Variants in DSCAM observed in about 807,000 individuals in gnomAD.
DSCAM encodes cell adhesion molecule DSCAM.
In DSCAM, 47 loss-of-function variants were observed where a neutral mutation model predicts 217.7. The observed-to-expected ratio is 0.22, with a 90% CI of 0.17 to 0.28. The LOEUF (loss-of-function observed/expected upper bound fraction) is 0.28, where lower values mean the gene tolerates loss of function less well. DSCAM is among the 10% of genes least tolerant of loss of function. The pLI, the probability that DSCAM is intolerant of heterozygous loss-of-function variation, is 1.00. For synonymous variants in DSCAM, 1,056 were observed against 1,015.3 expected, an observed-to-expected ratio of 1.04 and a Z score of -0.76; for missense variants, 2,080 against 2,618.3, an observed-to-expected ratio of 0.79 and a Z score of 4.49.
chr21:40,842,996 A>G (rs149462258), intron 1 of DSCAM, among the ~76,000 whole-genome samples: 2 of 152,298 alleles, frequency 1.3e-5, no homozygotes, highest in Non-Finnish European at 2.9e-5. Flanking sequence ...TAGCTTTTTA[A>G]TCTGTTTAAT....
chr21:40,514,315 T>C (rs1380001048), intron 3 of DSCAM, among the ~76,000 whole-genome samples: 1 of 152,156 alleles, frequency 6.6e-6, no homozygotes, highest in Non-Finnish European at 1.5e-5. Context: ...ATCCAATGCT[T>C]CATCATCCCA....
intron 3 of DSCAM, among the ~76,000 whole-genome samples, chr21:40,520,286 C>T (rs369709224): frequency 2.8e-4 from 43 of 152,128 alleles, no homozygotes; most frequent in African/African-American, 9.9e-4. Context: ...ACTTTAAATA[C>T]CATCTTTCTT....
At chr21:40,685,064 C>A (rs73905061) in intron 3 of DSCAM, among the ~76,000 whole-genome samples, 1 of 152,118 alleles carries the variant, frequency 6.6e-6, no homozygotes, top group East Asian at 1.9e-4. Flanking sequence ...TGGGATGAGA[C>A]CTTTCTTAAG....
intron 3 of DSCAM, among the ~76,000 whole-genome samples, chr21:40,537,982 C>G (rs903562535): frequency 6.6e-6 from 1 of 152,172 alleles, no homozygotes; most frequent in African/African-American, 2.4e-5. Flanking sequence ...GAATTCATCT[C>G]TGGATCTCAG....
At chr21:40,407,772 C>A (rs2075291055) in intron 3 of DSCAM, among the ~76,000 whole-genome samples, 1 of 152,210 alleles carries the variant, frequency 6.6e-6, no homozygotes, top group South Asian at 2.1e-4. Context: ...GCATGTGAAG[C>A]AGGGACAAGC....
At chr21:40,429,628 T>C (rs574881434) in intron 3 of DSCAM, among the ~76,000 whole-genome samples, 17 of 152,358 alleles carry the variant, frequency 1.1e-4, no homozygotes, top group African/African-American at 4.1e-4. Flanking sequence ...AGCTCAGGGC[T>C]GCCACTTGTA....
At chr21:40,837,912 T>C (rs2092069756) in intron 1 of DSCAM, among the ~76,000 whole-genome samples, 1 of 152,214 alleles carries the variant, frequency 6.6e-6, no homozygotes, top group Admixed American at 6.5e-5. Context: ...AAAAATGCTC[T>C]ACAGCCGAGA....
chr21:40,294,686 G>A (rs2073933987), intron 10 of DSCAM, among the ~76,000 whole-genome samples: 1 of 152,210 alleles, frequency 6.6e-6, no homozygotes, highest in Non-Finnish European at 1.5e-5. Flanking sequence ...GAAGGCAAAT[G>A]TCATGGAAAA....
chr21:40,781,495 T>A (rs1200292808), intron 1 of DSCAM, among the ~76,000 whole-genome samples: 1 of 152,204 alleles, frequency 6.6e-6, no homozygotes, highest in African/African-American at 2.4e-5. Flanking sequence ...AGATTTGTTT[T>A]CAACCACACG....
At chr21:40,207,136 A>G (rs1481673591) in intron 11 of DSCAM, among the ~76,000 whole-genome samples, 1 of 152,240 alleles carries the variant, frequency 6.6e-6, no homozygotes, top group Non-Finnish European at 1.5e-5. Flanking sequence ...AATTGTAACT[A>G]TAGTAAAAAA....
intron 1 of DSCAM, among the ~76,000 whole-genome samples, chr21:40,767,795 T>C (rs187102519): frequency 6.6e-6 from 1 of 152,222 alleles, no homozygotes; most frequent in East Asian, 1.9e-4. Flanking sequence ...ACCTGTGACA[T>C]TCAGGATCTT....
chr21:40,469,540 T>A (rs1023822629), intron 3 of DSCAM, among the ~76,000 whole-genome samples: 3 of 152,132 alleles, frequency 2.0e-5, no homozygotes, highest in Non-Finnish European at 4.4e-5. Context: ...TGTTAGATGT[T>A]TAAAGCAAAA....
intron 30 of DSCAM, among the ~76,000 whole-genome samples, chr21:40,047,940 C>A (rs913605783): frequency 6.6e-6 from 1 of 152,108 alleles, no homozygotes; most frequent in Admixed American, 6.5e-5. Flanking sequence ...ATTGAATGTG[C>A]GTACATGTGA....
chr21:40,142,811 G>T (rs1442188416), intron 17 of DSCAM, 107 bp from the exon 18 acceptor site: 24 of 1,283,888 alleles, frequency 1.9e-5, no homozygotes, highest in Middle Eastern at 4.5e-4. Flanking sequence ...GCAAAAAATT[G>T]CACTCAACCC....
Position 40,250,402 on chromosome 21 carries a change from T to C in DSCAM, c.2356+25695A>G, listed in dbSNP as rs533781717. Among the ~76,000 whole-genome samples the C allele has an allele frequency of 2.0e-5, 3 of 152,346 alleles. No individual in the cohort carries two copies. The South Asian group carries it at 6.2e-4, about 32-fold the overall frequency. On this transcript the variant is annotated intron_variant, in intron 11 of 32. Coordinates refer to ENST00000400454, the MANE Select transcript of DSCAM (RefSeq NM_001389.5). ...AAGACATAAAGTAAGAGTGTATATA[T>C]GACACTATGTGGTAAGCTGCAGATA...
At chr21:40,603,277 T>G (rs1011715429) in intron 3 of DSCAM, among the ~76,000 whole-genome samples, 9 of 152,148 alleles carry the variant, frequency 5.9e-5, no homozygotes, top group African/African-American at 2.2e-4. Flanking sequence ...CCATGTGAAT[T>G]TGTAAAGAAT....
intron 3 of DSCAM, among the ~76,000 whole-genome samples, chr21:40,638,866 A>C (rs1025162005): frequency 6.6e-6 from 1 of 151,470 alleles, no homozygotes; most frequent in Non-Finnish European, 1.5e-5. Flanking sequence ...GGAAAATATG[A>C]AAAACATGAA....
chr21:40,823,564 C>T (rs917079294), intron 1 of DSCAM, among the ~76,000 whole-genome samples: 5 of 152,052 alleles, frequency 3.3e-5, no homozygotes, highest in Admixed American at 2.6e-4. Flanking sequence ...GTGCTTAACC[C>T]TTCATTTTCT....
rs145825864 is a variant in DSCAM at position 40,039,336 on chromosome 21, C to T, written c.5686+3035G>A. Among the ~76,000 whole-genome samples the T allele has an allele frequency of 3.7e-3, 563 of 151,522 alleles. 5 individuals are homozygous for T. Among genetic ancestry groups the T allele is most frequent in the African/African-American group, 0.013 (539 of 41,334 alleles). ...AAAAAAAAAAGAATGGAAAATAAGT[C>T]ACTTTGATTAAAGCTACTGAAAGTT... On this transcript the variant is annotated intron_variant, in intron 32 of 32. Coordinates refer to ENST00000400454, the MANE Select transcript of DSCAM (RefSeq NM_001389.5).
Sources: gnomAD v4.1 joint callset for allele counts (sites outside exome capture counted in the v4.1 genomes callset) on GRCh38, gnomAD v4.1.1 for gene constraint, MANE v1.5 for transcripts, NCBI Gene and HGNC (gene_info 2026-07-23, HGNC 2026-07-21) for gene names.